Variants in PASD1 observed in about 807,000 individuals in gnomAD.
PASD1 encodes the protein circadian clock protein PASD1.
PASD1 carries 13 observed loss-of-function variants against 58.8 expected under a neutral mutation model. The ratio of observed to expected loss-of-function variants is 0.22; its 90% CI spans 0.14 to 0.35. The LOEUF is 0.35. Among genes scored for constraint, PASD1 ranks in the 10% least tolerant of loss-of-function variants. PASD1 has a pLI of 1.00. For missense variants in PASD1, 734 were observed against 568.3 expected (o/e 1.29, Z -2.96); for synonymous variants, 236 against 216.7 (o/e 1.09, Z -0.78).
At chrX:151,631,056 A>G (rs1286130285) in intron 8 of PASD1, among the ~76,000 whole-genome samples, 2 of 112,348 alleles carry the variant, frequency 1.8e-5, no homozygotes, top group African/African-American at 6.5e-5. Context: ...GTCAGAAGTA[A>G]GCAACTAAGG....
chrX:151,667,714 G>C (rs1652099806), intron 11 of PASD1, among the ~76,000 whole-genome samples: 1 of 111,139 alleles, frequency 9.0e-6, no homozygotes, highest in Non-Finnish European at 1.9e-5. Context: ...TATTTCTGAG[G>C]GCTCTGTTCT....
intron 7 of PASD1, among the ~76,000 whole-genome samples, chrX:151,623,605 T>C (rs1251037373): frequency 8.9e-6 from 1 of 112,278 alleles, no homozygotes; most frequent in Admixed American, 9.5e-5. Flanking sequence ...TTACAGGTAC[T>C]GTGCTAGGTG....
At chrX:151,611,796 G>C in intron 4 of PASD1, 43 bp downstream of exon 4, 2 of 954,313 alleles carry the variant, frequency 2.1e-6, no homozygotes. Context: ...ATTCTGGTTT[G>C]TTGTTTAGGG....
At chrX:151,628,283 G>A (rs1233999100) in intron 8 of PASD1, among the ~76,000 whole-genome samples, 1 of 111,897 alleles carries the variant, frequency 8.9e-6, no homozygotes, top group African/African-American at 3.3e-5. Flanking sequence ...CCTAGCCCAT[G>A]CCTATGTCCT....
intron 4 of PASD1, among the ~76,000 whole-genome samples, chrX:151,620,723 G>T (rs758138528): frequency 1.8e-5 from 2 of 110,747 alleles, no homozygotes; most frequent in African/African-American, 3.3e-5. Flanking sequence ...GCACATAGGA[G>T]GTGGTGCTCA....
intron 1 of PASD1, among the ~76,000 whole-genome samples, chrX:151,587,941 A>G (rs1041092791): frequency 5.3e-5 from 6 of 112,329 alleles, no homozygotes; most frequent in African/African-American, 1.9e-4. Flanking sequence ...TTGAAAATAA[A>G]TTGGAAATTT....
intron 1 of PASD1, among the ~76,000 whole-genome samples, chrX:151,565,990 A>G (rs781433447): frequency 9.4e-4 from 106 of 112,506 alleles, no homozygotes; most frequent in Non-Finnish European, 1.7e-3. Flanking sequence ...GATAGGGTTG[A>G]TAAGGTAATT....
intron 1 of PASD1, among the ~76,000 whole-genome samples, chrX:151,589,893 A>C (rs1213777318): frequency 8.9e-6 from 1 of 112,823 alleles, no homozygotes; most frequent in African/African-American, 3.2e-5. Flanking sequence ...TTTTCTACAC[A>C]ATATTGCATT....
intron 3 of PASD1, 44 bp downstream of exon 3, chrX:151,604,778 A>G: frequency 5.1e-6 from 5 of 984,691 alleles, no homozygotes; most frequent in Non-Finnish European, 7.2e-6. Context: ...TGTTGAATAC[A>G]TGTAATAGAA....
intron 1 of PASD1, among the ~76,000 whole-genome samples, chrX:151,582,817 T>A (rs2013116681): frequency 2.9e-5 from 1 of 34,547 alleles, no homozygotes; most frequent in Non-Finnish European, 7.7e-5. Context: ...AACCAAACTC[T>A]CTCTCCTATT....
intron 4 of PASD1, among the ~76,000 whole-genome samples, chrX:151,620,559 G>A (rs2013692732): frequency 9.0e-6 from 1 of 110,763 alleles, no homozygotes; most frequent in Admixed American, 9.7e-5. Context: ...AATGATTTTT[G>A]GGCAGACTTG....
intron 1 of PASD1, among the ~76,000 whole-genome samples, chrX:151,580,040 C>T (rs1250956146): frequency 9.0e-6 from 1 of 111,725 alleles, no homozygotes; most frequent in Non-Finnish European, 1.9e-5. Flanking sequence ...CAGGTACTTC[C>T]CTGCTGTCCA....
At chrX:151,662,411 G>T (rs1330722208) in intron 10 of PASD1, among the ~76,000 whole-genome samples, 1 of 108,320 alleles carries the variant, frequency 9.2e-6, no homozygotes, top group African/African-American at 3.4e-5. Flanking sequence ...ATTATTACAT[G>T]TTGTCATTTA....
chrX:151,617,826 G>T (rs1172686616), intron 4 of PASD1, among the ~76,000 whole-genome samples: 1 of 111,437 alleles, frequency 9.0e-6, no homozygotes, highest in African/African-American at 3.3e-5. Context: ...TCAACAATTG[G>T]AGAAGCCTTA....
intron 8 of PASD1, among the ~76,000 whole-genome samples, chrX:151,636,036 A>G (rs2013926922): frequency 9.0e-6 from 1 of 111,656 alleles, no homozygotes; most frequent in Non-Finnish European, 1.9e-5. Context: ...TTAAAGATAT[A>G]CAATGTTTTC....
At position 151,604,576 on chromosome X, in the gene PASD1, A is replaced by C. The variant is rs2013460892; in HGVS notation, c.29-70A>C. 7 of 756,704 alleles carry C rather than the reference A, an allele frequency of 9.3e-6. No individual in the cohort carries two copies. In the African/African-American group the frequency reaches 1.5e-4, roughly 16 times the overall value. 62.4% of individuals were successfully genotyped at this position (756,704 alleles called of 1,213,427 possible). ...TTCTATAAATTAAGTATAACTTTGA[A>C]AAATCTAATACCCATAGCTAATCAT... On this transcript the variant is annotated intron_variant, in intron 2 of 15. Transcript: ENST00000370357.
chrX:151,649,126 A>ACC (rs1428007533), intron 9 of PASD1, among the ~76,000 whole-genome samples: 3 of 111,930 alleles, frequency 2.7e-5, no homozygotes, highest in African/African-American at 9.8e-5. Context: ...TCCTTAAGGG[A>ACC]CATACATTAA....
chrX:151,643,875 G>A (rs2124292124), intron 8 of PASD1, among the ~76,000 whole-genome samples: 1 of 112,104 alleles, frequency 8.9e-6, no homozygotes, highest in Admixed American at 9.5e-5. Context: ...AGTTATTGTA[G>A]GATTCAGAAA....
intron 8 of PASD1, among the ~76,000 whole-genome samples, chrX:151,626,298 T>G (rs1416227198): frequency 8.9e-6 from 1 of 112,048 alleles, no homozygotes; most frequent in Non-Finnish European, 1.9e-5. Flanking sequence ...CTTTAAAATT[T>G]GTTTACTAAC....
Sources: allele counts gnomAD v4.1 joint callset (sites outside exome capture counted in the v4.1 genomes callset), GRCh38; gene constraint gnomAD v4.1.1; transcripts MANE v1.5; gene names NCBI Gene and HGNC (gene_info 2026-07-23, HGNC 2026-07-21).